DNAJC6: variants seen among roughly 807,000 people sequenced by gnomAD.
DNAJC6 encodes DnaJ heat shock protein family (Hsp40) member C6, also known as auxilin.
In DNAJC6, 34 loss-of-function variants were observed where a neutral mutation model predicts 110.0. That is an observed-to-expected ratio of 0.31 (90% confidence interval 0.24 to 0.41). DNAJC6 has a LOEUF of 0.41. Ranked by LOEUF, DNAJC6 falls within the 10% of genes least tolerant of loss-of-function variation. The pLI, the probability that DNAJC6 is intolerant of heterozygous loss-of-function variation, is 1.00. For missense variants in DNAJC6, 1,031 were observed against 1,207.8 expected (o/e 0.85, Z 2.17); for synonymous variants, 406 against 437.2 (o/e 0.93, Z 0.89).
intron 1 of DNAJC6, among the ~76,000 whole-genome samples, chr1:65,269,537 T>TA (rs1325932263): frequency 6.6e-6 from 1 of 152,184 alleles, no homozygotes. Flanking sequence ...AAAATAAGTG[T>TA]AAAAAAATTT....
chr1:65,318,203 C>T (rs1369984870), intron 1 of DNAJC6, among the ~76,000 whole-genome samples: 1 of 151,894 alleles, frequency 6.6e-6, no homozygotes, highest in African/African-American at 2.4e-5. Flanking sequence ...TTTTAGGGTC[C>T]ACAAAAATGT....
chr1:65,380,639 G>T (rs577043651), intron 5 of DNAJC6, among the ~76,000 whole-genome samples: 88 of 152,218 alleles, frequency 5.8e-4, no homozygotes, highest in African/African-American at 2.0e-3. Context: ...CTTTACTCAA[G>T]AATTTGCTGT....
intron 1 of DNAJC6, among the ~76,000 whole-genome samples, chr1:65,335,275 A>ATTT (rs71056101): frequency 6.6e-4 from 97 of 146,638 alleles, no homozygotes; most frequent in East Asian, 4.8e-3. Flanking sequence ...CGCCCAGCTA[A>ATTT]TTTTTTTTTT....
intron 4 of DNAJC6, among the ~76,000 whole-genome samples, chr1:65,372,146 G>GGGGTGT (rs918112884): frequency 2.8e-5 from 4 of 141,082 alleles, no homozygotes; most frequent in African/African-American, 7.8e-5. Context: ...TGACATTTGG[G>GGGGTGT]GTGTGTGTGT....
chr1:65,279,225 G>C, intron 1 of DNAJC6: 1 of 933,790 alleles, frequency 1.1e-6, no homozygotes, highest in Non-Finnish European at 1.3e-6. Flanking sequence ...TGATGGTGGC[G>C]TGCAGAGATT....
intron 1 of DNAJC6, among the ~76,000 whole-genome samples, chr1:65,360,624 A>G (rs2101544275): frequency 6.6e-6 from 1 of 152,304 alleles, no homozygotes; most frequent in South Asian, 2.1e-4. Flanking sequence ...AAACAAAAAC[A>G]TGATACAGAT....
Position 65,309,920 on chromosome 1 carries a change from A to G in DNAJC6, c.175A>G (p.Ser59Gly), listed in dbSNP as rs1296532855. 5.4e-5 allele frequency: 83 copies of G among 1,527,682 alleles called. 1 individual carries two copies. In the East Asian group the frequency reaches 2.1e-3, roughly 38 times the overall value. 94.6% of individuals were successfully genotyped at this position (1,527,682 alleles called of 1,614,324 possible). ...SPARQPPDRA[S>G]TMDSSGASSP... The stretch of plus-strand genomic sequence containing the variant: ...CGCCCGACAGCCTCCGGACCGCGCC[A>G]GCACCATGGACAGCTCAGGTAGCGC... The change falls in exon 1 of 19, where the codon AGC becomes GGC. Residue 59 changes from serine (S) to glycine (G), a missense_variant. Ser to Gly is a moderately conservative substitution (Grantham distance 56). Coordinates refer to ENST00000371069, the MANE Select transcript of DNAJC6 (RefSeq NM_001256864.2).
chr1:65,389,977 C>T (rs1035746377), intron 11 of DNAJC6, among the ~76,000 whole-genome samples: 9 of 151,732 alleles, frequency 5.9e-5, no homozygotes, highest in Non-Finnish European at 1.0e-4. Context: ...TGCGCCACTG[C>T]ACTGCATTCT....
At chr1:65,382,400 A>G (rs578114975) in intron 5 of DNAJC6, among the ~76,000 whole-genome samples, 1 of 152,292 alleles carries the variant, frequency 6.6e-6, no homozygotes, top group South Asian at 2.1e-4. Flanking sequence ...GGCTTTATTT[A>G]GTTATTCATT....
intron 1 of DNAJC6, among the ~76,000 whole-genome samples, chr1:65,298,490 G>A (rs762762611): frequency 6.6e-6 from 1 of 152,150 alleles, no homozygotes; most frequent in Non-Finnish European, 1.5e-5. Flanking sequence ...CACAATTCTA[G>A]TACAGATGAA....
chr1:65,387,234 T>G (rs1341514834), intron 8 of DNAJC6, among the ~76,000 whole-genome samples: 1 of 152,210 alleles, frequency 6.6e-6, no homozygotes. Flanking sequence ...TTTGGATCAG[T>G]GTAAGGGAAG....
At chr1:65,395,134 A>G in intron 13 of DNAJC6, 102 bp downstream of exon 13, 1 of 1,237,690 alleles carries the variant, frequency 8.1e-7, no homozygotes, top group Non-Finnish European at 1.1e-6. Context: ...TTTTTGATAA[A>G]AGCTTCCTCA....
chr1:65,268,599 C>G (rs1313898308), intron 1 of DNAJC6, among the ~76,000 whole-genome samples: 2 of 152,104 alleles, frequency 1.3e-5, no homozygotes, highest in African/African-American at 2.4e-5. Flanking sequence ...ATGGCAGAGC[C>G]ATGATTCAAA....
Position 65,286,054 on chromosome 1 carries a change from G to A in DNAJC6, c.-131+21122G>A, listed in dbSNP as rs750133214. Among the ~76,000 whole-genome samples the A allele has an allele frequency of 1.1e-4, 17 of 152,082 alleles. 1 individual carries two copies. The highest frequency in any genetic ancestry group is 2.1e-4 in the South Asian group (1 of 4,822). On this transcript the variant is annotated intron_variant, in intron 1 of 19. Transcript: ENST00000263441. ...AAGTTGATGTGCAGGATATATTTAC[G>A]GAATAATTTAACATATCCCTCTACC...
chr1:65,317,546 G>A (rs1009646569), intron 1 of DNAJC6, among the ~76,000 whole-genome samples: 8 of 152,164 alleles, frequency 5.3e-5, no homozygotes, highest in African/African-American at 1.4e-4. Flanking sequence ...ATTAAAATGC[G>A]TGTAGTATTA....
At chr1:65,265,942 T>C (rs942067196) in intron 1 of DNAJC6, among the ~76,000 whole-genome samples, 3 of 152,210 alleles carry the variant, frequency 2.0e-5, no homozygotes, top group Non-Finnish European at 4.4e-5. Context: ...TTCACCCGCT[T>C]TCCGTGCGAG....
At position 65,413,947 on chromosome 1, in the gene DNAJC6, A is replaced by G. The variant is rs531051091; in HGVS notation, c.*922A>G. On this transcript the variant is annotated 3_prime_UTR_variant, in exon 19 of 19. Transcript: ENST00000371069. Reference sequence around the variant, plus strand: ...GCCTGTTCACAACTTATCAGGACCAATATCTAGTGTGGACTCAGTGTTCTC... The same window carrying G: ...GCCTGTTCACAACTTATCAGGACCAGTATCTAGTGTGGACTCAGTGTTCTC... 4 of 152,326 alleles carry G rather than the reference A, an allele frequency of 2.6e-5. No individual in the cohort carries two copies. Among genetic ancestry groups the G allele is most frequent in the African/African-American group, 9.6e-5 (4 of 41,572 alleles). The allele number at this position is 152,326 out of a possible 1,614,324, so 9.4% of individuals were successfully genotyped here.
chr1:65,304,739 T>TACC (rs1645021663), upstream of DNAJC6, among the ~76,000 whole-genome samples: 3 of 152,190 alleles, frequency 2.0e-5, no homozygotes, highest in Non-Finnish European at 4.4e-5. Context: ...CCTTAAGGTT[T>TACC]TGCCACTACA....
chr1:65,320,578 G>A (rs1385441951), intron 1 of DNAJC6, among the ~76,000 whole-genome samples: 1 of 152,208 alleles, frequency 6.6e-6, no homozygotes, highest in Non-Finnish European at 1.5e-5. Flanking sequence ...GAATGCATTT[G>A]CAGTTGATAC....
Sources: gnomAD v4.1 joint callset for allele counts (sites outside exome capture counted in the v4.1 genomes callset) on GRCh38, gnomAD v4.1.1 for gene constraint, MANE v1.5 for transcripts, NCBI Gene and HGNC (gene_info 2026-07-23, HGNC 2026-07-21) for gene names.